The following BCL10 variants were observed in gnomAD, a reference collection of about 807,000 sequenced individuals.
The protein encoded by BCL10 is B-cell lymphoma/leukemia 10.
A neutral mutation model predicts 19.2 loss-of-function variants in BCL10; 5 were observed. The ratio of observed to expected loss-of-function variants is 0.26; its 90% CI spans 0.14 to 0.55. The LOEUF (loss-of-function observed/expected upper bound fraction) is 0.55. BCL10 is among the 20% of genes least tolerant of loss of function. The probability of loss-of-function intolerance (pLI) is 0.94; values close to 1 mark genes in which losing one functional copy is unlikely to be tolerated. For synonymous variants in BCL10, 110 were observed against 98.8 expected, an observed-to-expected ratio of 1.11 and a Z score of -0.67; for missense variants, 201 against 271.9, an observed-to-expected ratio of 0.74 and a Z score of 1.83.
rs779442174 is a variant in BCL10, at chr1:85,267,687, A to G, written c.642T>C (p.Thr214=). Residue 214 remains threonine (T), a synonymous_variant, in exon 3 of 3, where the codon ACT becomes ACC. Transcript: ENST00000648566. ...PPDLQLEEEG[T]CANSSEMFLP... Reference sequence around the variant, plus strand: ...GAAACATCTCACTAGAGTTTGCACAAGTTCCTTCTTCTTCTAACTGTAGAT... The same window carrying G: ...GAAACATCTCACTAGAGTTTGCACAGGTTCCTTCTTCTTCTAACTGTAGAT... The G allele has an allele frequency of 6.2e-7, 1 of 1,614,104 alleles. No homozygotes were observed. The highest frequency in any genetic ancestry group is 8.5e-7 in the Non-Finnish European group (1 of 1,180,000).
Position 85,270,904 on chromosome 1 carries a change from G to A in BCL10, c.60C>T (p.Ala20=). The A allele has an allele frequency of 6.3e-7, 1 of 1,599,074 alleles. No homozygotes were observed. The highest frequency in any genetic ancestry group is 1.1e-5 in the South Asian group (1 of 87,868). ...ACAGGTATACACGTAAATTTTCTAA[G>A]GCCTAAAAGACATAAAATATGGTTC... is the stretch of plus-strand genomic sequence containing the variant. The part of the protein sequence containing the change: ...EEDLTEVKKD[A]LENLRVYLCE... The change falls in exon 2 of 3, where the codon GCC becomes GCT. Residue 20 remains alanine (A), a splice_region_variant and synonymous_variant. Transcript: ENST00000648566.
chr1:85,270,270 C>T (rs781585808), intron 2 of BCL10, among the ~76,000 whole-genome samples: 8 of 152,244 alleles, frequency 5.3e-5, no homozygotes, highest in Middle Eastern at 3.4e-3. Context: ...ATGATCATTT[C>T]TGTTTTTGTT....
Position 85,276,535 on chromosome 1 carries a change from GC to G in BCL10, c.-184del, listed in dbSNP as rs1344389762. On this transcript the variant is annotated 5_prime_UTR_variant, in exon 1 of 3. Coordinates refer to ENST00000648566, the MANE Select transcript of BCL10 (RefSeq NM_003921.5). ...CGGGGGTCAAACCGTAGCGCTTCCGGCCCCGCCTCTGAGGTCGACGGCGACG... is the reference window on the plus strand; with the variant it reads ...CGGGGGTCAAACCGTAGCGCTTCCGGCCCGCCTCTGAGGTCGACGGCGACG... 1.6e-6 allele frequency: 1 copy of G among 643,840 alleles called. No homozygotes were observed. Among genetic ancestry groups the G allele is most frequent in the African/African-American group, 1.8e-5 (1 of 54,532 alleles). The allele number at this position is 643,840 out of a possible 1,614,324, so 39.9% of individuals were successfully genotyped here. A position where few individuals can be genotyped will look rare whatever the true frequency, so the allele number is the denominator to read the frequency against.
Position 85,267,596 on chromosome 1 carries a change from T to G in BCL10, c.*31A>C. On this transcript the variant is annotated 3_prime_UTR_variant, in exon 3 of 3. Coordinates refer to ENST00000648566, the MANE Select transcript of BCL10 (RefSeq NM_003921.5). ...GTCATATTCTTTAAAACATTTTTTG[T>G]CATCATTAAAAATTAAAAGGCAATA... 1 of 1,498,754 alleles carries G rather than the reference T, an allele frequency of 6.7e-7. No individual in the cohort carries two copies. The highest frequency in any genetic ancestry group is 9.0e-7 in the Non-Finnish European group (1 of 1,112,812). 92.8% of individuals were successfully genotyped at this position (1,498,754 alleles called of 1,614,324 possible). A position where few individuals can be genotyped will look rare whatever the true frequency, so the allele number is the denominator to read the frequency against.
chr1:85,267,441 G>A lies in BCL10; in HGVS notation c.*186C>T. 2.0e-6 allele frequency: 1 copy of A among 511,944 alleles called. No homozygotes were observed. The highest frequency in any genetic ancestry group is 5.1e-4 in the Middle Eastern group (1 of 1,960). 31.7% of individuals were successfully genotyped at this position (511,944 alleles called of 1,614,324 possible). A position where few individuals can be genotyped will look rare whatever the true frequency, so the allele number is the denominator to read the frequency against. ...TTACTAAAAAGTACATGATCAACATGATTTACAGTTAGCTATCCTAGAAGT... is the reference window on the plus strand; with the variant it reads ...TTACTAAAAAGTACATGATCAACATAATTTACAGTTAGCTATCCTAGAAGT... On this transcript the variant is annotated 3_prime_UTR_variant, in exon 3 of 3. Transcript: ENST00000648566.
At chr1:85,271,625 T>C (rs2100749001) in intron 1 of BCL10, among the ~76,000 whole-genome samples, 1 of 152,286 alleles carries the variant, frequency 6.6e-6, no homozygotes, top group East Asian at 1.9e-4. Context: ...CATTAATAAT[T>C]TGGTACCGGT....
rs1660531734 is a variant in BCL10 at position 85,276,334 on chromosome 1, A to G, written c.19T>C (p.Ser7Pro). The change falls in exon 1 of 3, where the codon TCC (serine) becomes CCC (proline). Residue 7 changes from serine to proline, a missense_variant. Around this residue, in one of 3 missense-constraint regions of BCL10, gnomAD observed 24 missense variants for 16.6 expected, o/e 1.45. Transcript: ENST00000648566. MEPTAPSLTEEDLTEVK... is the reference protein window; with the variant it reads MEPTAPPLTEEDLTEVK... ...TCAGTGAGGTCCTCCTCGGTGAGGGACGGTGCGGTGGGCTCCATGGTGGAG... is the reference window on the plus strand; with the variant it reads ...TCAGTGAGGTCCTCCTCGGTGAGGGGCGGTGCGGTGGGCTCCATGGTGGAG... 2 of 1,612,868 alleles carry G rather than the reference A, an allele frequency of 1.2e-6. No individual in the cohort carries two copies. Among genetic ancestry groups the G allele is most frequent in the Admixed American group, 1.7e-5 (1 of 59,954 alleles).
chr1:85,268,943 T>C lies in BCL10; in HGVS notation c.347-961A>G, dbSNP rs747516378. Among the ~76,000 whole-genome samples the C allele has an allele frequency of 3.3e-5, 5 of 152,220 alleles. No individual in the cohort carries two copies. The South Asian group carries it at 1.0e-3, about 31-fold the overall frequency. ...TTGTTCCCATTAGCTGTGGTACGAA[T>C]GTATCCGCCAAAAGTTCACATGTTG... On this transcript the variant is annotated intron_variant, in intron 2 of 2. Coordinates refer to ENST00000648566, the MANE Select transcript of BCL10 (RefSeq NM_003921.5).
At chr1:85,271,019 G>T in intron 1 of BCL10, 113 bp from the exon 2 acceptor site, 1 of 1,071,200 alleles carries the variant, frequency 9.3e-7, no homozygotes, top group Non-Finnish European at 1.4e-6. Context: ...AAGTCAGGAG[G>T]CTCAGGCCTT....
chr1:85,269,043 C>T (rs996471819), intron 2 of BCL10, among the ~76,000 whole-genome samples: 40 of 152,304 alleles, frequency 2.6e-4, no homozygotes, highest in African/African-American at 8.9e-4. Context: ...GGGCTCTGCC[C>T]TGGACTAATG....
At position 85,270,610 on chromosome 1, in the gene BCL10, T is replaced by C. The variant is rs565533811; in HGVS notation, c.346+8A>G. ...TAAATTAGCTCTTAGATAATTAAGA[T>C]ATCTTACCTTTCAGATGTTCTAGTT... On this transcript the variant is annotated splice_region_variant and intron_variant, in intron 2 of 2. Transcript: ENST00000648566. The C allele has an allele frequency of 1.3e-6, 2 of 1,586,862 alleles. No homozygotes were observed. Among genetic ancestry groups the C allele is most frequent in the Non-Finnish European group, 1.7e-6 (2 of 1,166,312 alleles).
At chr1:85,276,161 GTCC>G in intron 1 of BCL10, 132 bp downstream of exon 1, 1 of 1,106,440 alleles carries the variant, frequency 9.0e-7, no homozygotes, top group South Asian at 1.3e-5. Flanking sequence ...GCTCGCCACA[GTCC>G]TCCTGTGCTA....
At chr1:85,276,260 G>T (rs772525331) in intron 1 of BCL10, 36 bp downstream of exon 1, 2 of 1,370,710 alleles carry the variant, frequency 1.5e-6, no homozygotes, top group Non-Finnish European at 2.1e-6. Flanking sequence ...GCTGCAGCCC[G>T]CCCCCGCCCG....
In BCL10 at chr1:85,267,595, GTCA is replaced by G. The variant is rs1557784852; in HGVS notation, c.*29_*31del. Reference sequence around the variant, plus strand: ...AGTCATATTCTTTAAAACATTTTTTGTCATCATTAAAAATTAAAAGGCAATAAA... The same window carrying G: ...AGTCATATTCTTTAAAACATTTTTTGTCATTAAAAATTAAAAGGCAATAAA... On this transcript the variant is annotated 3_prime_UTR_variant, in exon 3 of 3. Coordinates refer to ENST00000648566, the MANE Select transcript of BCL10 (RefSeq NM_003921.5). 1 of 1,489,306 alleles carries G rather than the reference GTCA, an allele frequency of 6.7e-7. No individual in the cohort carries two copies. The highest frequency in any genetic ancestry group is 2.3e-5 in the East Asian group (1 of 43,894). 92.3% of individuals were successfully genotyped at this position (1,489,306 alleles called of 1,614,324 possible).
Position 85,267,460 on chromosome 1 carries a change from T to G in BCL10, c.*167A>C. The G allele has an allele frequency of 1.7e-6, 1 of 591,728 alleles. No individual in the cohort carries two copies. Among genetic ancestry groups the G allele is most frequent in the East Asian group, 2.9e-5 (1 of 34,306 alleles). 36.7% of individuals were successfully genotyped at this position (591,728 alleles called of 1,614,324 possible). ...CAACATGATTTACAGTTAGCTATCC[T>G]AGAAGTATGCTTTTTTAATTCTAAA... On this transcript the variant is annotated 3_prime_UTR_variant, in exon 3 of 3. Coordinates refer to ENST00000648566, the MANE Select transcript of BCL10 (RefSeq NM_003921.5).
chr1:85,273,954 T>C (rs1660436738), intron 1 of BCL10, among the ~76,000 whole-genome samples: 3 of 152,222 alleles, frequency 2.0e-5, no homozygotes, highest in South Asian at 4.1e-4. Context: ...CCTTCCTAAC[T>C]TCACTTCAGA....
Position 85,270,970 on chromosome 1 carries a change from ATTAG to A in BCL10, c.58-68_58-65del, listed in dbSNP as rs1405556975. 2.0e-6 allele frequency: 3 copies of A among 1,492,446 alleles called. No individual in the cohort carries two copies. In the African/African-American group the frequency reaches 4.2e-5, roughly 21 times the overall value. The allele number at this position is 1,492,446 out of a possible 1,614,324, so 92.5% of individuals were successfully genotyped here. On this transcript the variant is annotated intron_variant, in intron 1 of 2. Transcript: ENST00000648566. ...ATCTAAGAAAATCACATACGTGACT[ATTAG>A]TTGGCAGTCTTAGCTGGTGTGAGAC... is the stretch of plus-strand genomic sequence containing the variant.
chr1:85,268,860 A>G (rs750216748), intron 2 of BCL10, among the ~76,000 whole-genome samples: 1 of 152,114 alleles, frequency 6.6e-6, no homozygotes, highest in Non-Finnish European at 1.5e-5. Flanking sequence ...AGTGAGAACT[A>G]CAATTCAATA....
In BCL10 at chr1:85,267,891, T is replaced by G. The variant is rs757452456; in HGVS notation, c.438A>C (p.Lys146Asn). ...SNSDESNFSE[K>N]LRASTVMYHP... ...GGTACATGACAGTGGATGCCCTCAGTTTTTCAGAGAAATTACTCTCATCTG... is the reference window on the plus strand; with the variant it reads ...GGTACATGACAGTGGATGCCCTCAGGTTTTCAGAGAAATTACTCTCATCTG... Residue 146 changes from lysine (K) to asparagine (N), a missense_variant, in exon 3 of 3, where the codon AAA becomes AAC. This residue lies in a region of BCL10 where 126 missense variants were observed against 136.6 expected (regional missense o/e 0.92). Transcript: ENST00000648566. 1.2e-6 allele frequency: 2 copies of G among 1,613,944 alleles called. No homozygotes were observed. Among genetic ancestry groups the G allele is most frequent in the South Asian group, 2.2e-5 (2 of 91,022 alleles).
Sources: gnomAD v4.1 joint callset for allele counts (sites outside exome capture counted in the v4.1 genomes callset) on GRCh38, gnomAD v4.1.1 for gene constraint, gnomAD v4.1.1 regional missense constraint, MANE v1.5 for transcripts, NCBI Gene and HGNC (gene_info 2026-07-23, HGNC 2026-07-21) for gene names.